BOD1L1: variants seen among roughly 807,000 people sequenced by gnomAD.
BOD1L1 encodes biorientation of chromosomes in cell division protein 1-like 1.
Under a neutral mutation model 240.7 loss-of-function variants are expected in BOD1L1, and 86 were observed. The observed-to-expected ratio is 0.36, with a 90% CI of 0.30 to 0.43. The LOEUF (loss-of-function observed/expected upper bound fraction) is 0.43, where lower values mean the gene tolerates loss of function less well. Ranked by LOEUF, BOD1L1 falls within the 20% of genes least tolerant of loss-of-function variation. The pLI is 1.00. For synonymous variants in BOD1L1, 1,268 were observed against 1,272.3 expected, an observed-to-expected ratio of 1.00 and a Z score of 0.07; for missense variants, 3,554 against 3,643.5, an observed-to-expected ratio of 0.98 and a Z score of 0.63.
At position 13,568,938 on chromosome 4, in the gene BOD1L1, C is replaced by T. The variant is rs1287458608; in HGVS notation, c.*1073G>A. ...TATTTGGCAACTCATCACATCATTGCAAGAGACAAATTTGATCGTAAGAAG... is the reference window on the plus strand; with the variant it reads ...TATTTGGCAACTCATCACATCATTGTAAGAGACAAATTTGATCGTAAGAAG... On this transcript the variant is annotated 3_prime_UTR_variant, in exon 26 of 26. Coordinates refer to ENST00000040738, the MANE Select transcript of BOD1L1 (RefSeq NM_148894.3). 4.0e-5 allele frequency: 6 copies of T among 151,868 alleles called. No individual in the cohort carries two copies. Among genetic ancestry groups the T allele is most frequent in the Non-Finnish European group, 7.4e-5 (5 of 67,978 alleles). 9.4% of individuals were successfully genotyped at this position (151,868 alleles called of 1,614,324 possible). A position where few individuals can be genotyped will look rare whatever the true frequency, so the allele number is the denominator to read the frequency against.
At chr4:13,595,085 G>C (rs569350545) in intron 12 of BOD1L1, among the ~76,000 whole-genome samples, 3 of 152,128 alleles carry the variant, frequency 2.0e-5, no homozygotes, top group Non-Finnish European at 2.9e-5. Context: ...GCAAAACAAT[G>C]TCACTTTTAT....
At chr4:13,588,203 G>T (rs866195800) in intron 15 of BOD1L1, among the ~76,000 whole-genome samples, 2 of 140,440 alleles carry the variant, frequency 1.4e-5, no homozygotes, top group African/African-American at 2.6e-5. Flanking sequence ...AAAAAAAAAA[G>T]AAAAAAAAAT....
intron 12 of BOD1L1, chr4:13,593,617 C>A (rs1329216281): frequency 6.6e-6 from 1 of 152,050 alleles, no homozygotes; most frequent in South Asian, 2.1e-4. Flanking sequence ...TGAGGCCCTA[C>A]CTCAGGGAAG....
intron 9 of BOD1L1, among the ~76,000 whole-genome samples, chr4:13,606,550 C>T (rs778491607): frequency 6.6e-6 from 1 of 152,116 alleles, no homozygotes; most frequent in African/African-American, 2.4e-5. Flanking sequence ...TTGTACGTTA[C>T]TTTTACTGTT....
In BOD1L1 at chr4:13,601,221, A is replaced by C; in HGVS notation, c.5679T>G (p.Ser1893Arg). Residue 1893 changes from serine (S) to arginine (R), a missense_variant, in exon 10 of 26, where the codon AGT (serine) becomes AGG (arginine). By Grantham distance (110) the Ser-to-Arg change is moderately radical. Around this residue, in one of 2 missense-constraint regions of BOD1L1, gnomAD observed 3,393 missense variants for 3,427.1 expected, o/e 0.99. Transcript: ENST00000040738. The stretch of plus-strand genomic sequence containing the variant: ...CACTTTCACAAATCAAGACCCCTTC[A>C]CTTTCTTCTCCTAACCCTGTACAAG... ...ASTCTGLGEE[S>R]EGVLICESAE... 1 of 1,613,930 alleles carries C rather than the reference A, an allele frequency of 6.2e-7. No individual in the cohort carries two copies. The highest frequency in any genetic ancestry group is 1.3e-5 in the African/African-American group (1 of 75,028).
At chr4:13,573,239 T>G (rs146946858) in intron 25 of BOD1L1, among the ~76,000 whole-genome samples, 1 of 152,146 alleles carries the variant, frequency 6.6e-6, no homozygotes, top group East Asian at 1.9e-4. Flanking sequence ...AAGAATCAGA[T>G]AAGGAATTCT....
chr4:13,617,128 C>A (rs1342777331), intron 2 of BOD1L1, among the ~76,000 whole-genome samples: 1 of 151,626 alleles, frequency 6.6e-6, no homozygotes, highest in Non-Finnish European at 1.5e-5. Flanking sequence ...GCCTGTAATC[C>A]CAGCTACTTG....
chr4:13,604,750 A>G lies in BOD1L1; in HGVS notation c.2150T>C (p.Leu717Pro). 6.2e-7 allele frequency: 1 copy of G among 1,612,914 alleles called. No individual in the cohort carries two copies. Among genetic ancestry groups the G allele is most frequent in the Non-Finnish European group, 8.5e-7 (1 of 1,179,706 alleles). ...CTTGGAGGATTTCACCTCTTTCTTA[A>G]GTAGGCTTTTCAAATGTGGTGTTTC... ...DSETPHLKSL[L>P]KKEVKSSKEK... Residue 717 changes from leucine (L) to proline (P), a missense_variant, in exon 10 of 26, where the codon CTT becomes CCT. This residue lies in a region of BOD1L1 where 3,393 missense variants were observed against 3,427.1 expected (regional missense o/e 0.99). Coordinates refer to ENST00000040738, the MANE Select transcript of BOD1L1 (RefSeq NM_148894.3).
rs1191795006 is a variant in BOD1L1 at position 13,570,076 on chromosome 4, G to C, written c.9091C>G (p.Pro3031Ala). The C allele has an allele frequency of 4.4e-6, 7 of 1,606,258 alleles. No homozygotes were observed. Among genetic ancestry groups the C allele is most frequent in the Admixed American group, 1.7e-5 (1 of 58,556 alleles). The change falls in exon 26 of 26, where the codon CCT becomes GCT. Residue 3031 changes from proline to alanine, a missense_variant. Coordinates refer to ENST00000040738, the MANE Select transcript of BOD1L1 (RefSeq NM_148894.3). ...SIKRKREVSP[P>A]GARTRGQQRV... ...TGCTGGCCTCTTGTTCGGGCCCCAG[G>C]AGGGCTGACTTCTCTCTTGCGCTTG...
intron 6 of BOD1L1, among the ~76,000 whole-genome samples, chr4:13,610,552 A>G (rs763887118): frequency 1.3e-5 from 2 of 152,242 alleles, no homozygotes; most frequent in African/African-American, 4.8e-5. Context: ...CCAAATTATG[A>G]AAAACATTGT....
Position 13,569,619 on chromosome 4 carries a change from T to C in BOD1L1, c.*392A>G, listed in dbSNP as rs1296840179. 6.5e-6 allele frequency: 1 copy of C among 154,068 alleles called. No homozygotes were observed. Among genetic ancestry groups the C allele is most frequent in the East Asian group, 1.9e-4 (1 of 5,278 alleles). 9.5% of individuals were successfully genotyped at this position (154,068 alleles called of 1,614,324 possible). Reference sequence around the variant, plus strand: ...AGTGTTCATTGATTAGCATCATACATAGAGTAAAATACAACCTATTTTTAC... The same window carrying C: ...AGTGTTCATTGATTAGCATCATACACAGAGTAAAATACAACCTATTTTTAC... On this transcript the variant is annotated 3_prime_UTR_variant, in exon 26 of 26. Transcript: ENST00000040738.
At chr4:13,615,103 C>T (rs1273639257) in intron 3 of BOD1L1, among the ~76,000 whole-genome samples, 1 of 152,192 alleles carries the variant, frequency 6.6e-6, no homozygotes, top group African/African-American at 2.4e-5. Context: ...ATCATACTCA[C>T]ACTCACATCA....
In BOD1L1 at chr4:13,579,993, C is replaced by CA. The variant is rs371377202; in HGVS notation, c.8704-21dup. ...TTCTACCTATGTTTAAATAAACAAA[C>CA]AAAAAAAAATTTTAAATCAGCAGTT... On this transcript the variant is annotated intron_variant, in intron 21 of 25. Transcript: ENST00000040738. 151 of 1,523,740 alleles carry CA rather than the reference C, an allele frequency of 9.9e-5. No homozygotes were observed. The highest frequency in any genetic ancestry group is 1.3e-4 in the African/African-American group (9 of 71,666). The allele number at this position is 1,523,740 out of a possible 1,614,324, so 94.4% of individuals were successfully genotyped here. A position where few individuals can be genotyped will look rare whatever the true frequency, so the allele number is the denominator to read the frequency against.
At chr4:13,617,282 CA>C (rs35413755) in intron 2 of BOD1L1, among the ~76,000 whole-genome samples, 3,231 of 149,192 alleles carry the variant, frequency 0.022, 125 homozygotes, top group African/African-American at 0.077. Flanking sequence ...AAAAAAGTAC[CA>C]AAAAAAAATT....
chr4:13,603,370 G>C lies in BOD1L1; in HGVS notation c.3530C>G (p.Thr1177Arg). ...LRTCTADSKA[T>R]APAYKPGRGT... ...ACGGCCTGGCTTATAAGCTGGAGCT[G>C]TTGCTTTTGAATCTGCTGTGCAAGT... Residue 1177 changes from threonine to arginine, a missense_variant, in exon 10 of 26, where the codon ACA becomes AGA. Transcript: ENST00000040738. 2 of 1,613,966 alleles carry C rather than the reference G, an allele frequency of 1.2e-6. No individual in the cohort carries two copies. The highest frequency in any genetic ancestry group is 1.7e-6 in the Non-Finnish European group (2 of 1,179,890).
In BOD1L1 at chr4:13,627,513, TGGCTGCGGCTGC is replaced by T. The variant is rs909060235; in HGVS notation, c.63_74del (p.Gln22_Pro25del). On this transcript the variant is annotated inframe_deletion, in exon 1 of 26. Transcript: ENST00000040738. The stretch of plus-strand genomic sequence containing the variant: ...CCCCGGGGCCCGGCGGCGGCGGCGG[TGGCTGCGGCTGC>T]GGCTGCGGCGGGGGAGGCGGCGGCG... 9.6e-7 allele frequency: 1 copy of T among 1,044,024 alleles called. No homozygotes were observed. The highest frequency in any genetic ancestry group is 1.7e-5 in the African/African-American group (1 of 58,186). The allele number at this position is 1,044,024 out of a possible 1,614,324, so 64.7% of individuals were successfully genotyped here.
intron 14 of BOD1L1, among the ~76,000 whole-genome samples, chr4:13,589,153 A>G (rs1713972682): frequency 6.6e-6 from 1 of 152,244 alleles, no homozygotes; most frequent in Non-Finnish European, 1.5e-5. Context: ...GAATCATTGC[A>G]TCATAATCAT....
chr4:13,592,469 T>C (rs1413962696), intron 12 of BOD1L1: 1 of 152,544 alleles, frequency 6.6e-6, no homozygotes, highest in Non-Finnish European at 1.5e-5. Flanking sequence ...CAACTTCCTT[T>C]TACGTAAGTA....
chr4:13,574,243 G>A (rs1712505775), intron 25 of BOD1L1, among the ~76,000 whole-genome samples: 1 of 152,148 alleles, frequency 6.6e-6, no homozygotes, highest in African/African-American at 2.4e-5. Context: ...GACCCTTTCA[G>A]AGGAGCTGCA....
Sources: gnomAD v4.1 joint callset for allele counts (sites outside exome capture counted in the v4.1 genomes callset) on GRCh38, gnomAD v4.1.1 for gene constraint, gnomAD v4.1.1 regional missense constraint, MANE v1.5 for transcripts, NCBI Gene and HGNC (gene_info 2026-07-23, HGNC 2026-07-21) for gene names.